FBXL17: variants seen among roughly 807,000 people sequenced by gnomAD.
FBXL17 encodes the protein F-box/LRR-repeat protein 17.
Under a neutral mutation model 66.2 loss-of-function variants are expected in FBXL17, and 22 were observed. The ratio of observed to expected loss-of-function variants is 0.33; its 90% CI spans 0.24 to 0.47. The LOEUF (loss-of-function observed/expected upper bound fraction) is 0.47, where lower values mean the gene tolerates loss of function less well. Among genes scored for constraint, FBXL17 ranks in the 20% least tolerant of loss-of-function variants. FBXL17 has a pLI of 1.00. For synonymous variants in FBXL17, 474 were observed against 400.5 expected (o/e 1.18, Z -2.19); for missense variants, 878 against 948.2 (o/e 0.93, Z 0.97).
At chr5:108,303,361 AAC>A (rs58495859) in intron 4 of FBXL17, among the ~76,000 whole-genome samples, 59,601 of 141,588 alleles carry the variant, frequency 0.42, 12,156 homozygotes, top group East Asian at 0.68. Context: ...CACAGGCATA[AAC>A]ACACACACAC....
At position 107,859,701 on chromosome 5, in the gene FBXL17, T is replaced by C. The variant is rs1216299648; in HGVS notation, c.*2019A>G. ...AGGTTATTACAACTTTGAACTGAAATGGTACCATCTATATCATAGATGGCT... is the reference window on the plus strand; with the variant it reads ...AGGTTATTACAACTTTGAACTGAAACGGTACCATCTATATCATAGATGGCT... On this transcript the variant is annotated 3_prime_UTR_variant, in exon 9 of 9. Coordinates refer to ENST00000542267, the MANE Select transcript of FBXL17 (RefSeq NM_001163315.3). 1.3e-5 allele frequency: 2 copies of C among 152,078 alleles called. No homozygotes were observed. The highest frequency in any genetic ancestry group is 2.9e-5 in the Non-Finnish European group (2 of 68,008). The allele number at this position is 152,078 out of a possible 1,614,324, so 9.4% of individuals were successfully genotyped here. A position where few individuals can be genotyped will look rare whatever the true frequency, so the allele number is the denominator to read the frequency against.
At chr5:107,927,644 C>T (rs1750569852) in intron 7 of FBXL17, among the ~76,000 whole-genome samples, 1 of 152,078 alleles carries the variant, frequency 6.6e-6, no homozygotes, top group Non-Finnish European at 1.5e-5. Flanking sequence ...TTATCTATCA[C>T]AAGATTGTAT....
chr5:107,962,514 AT>A (rs1372132451), intron 7 of FBXL17, among the ~76,000 whole-genome samples: 1 of 152,160 alleles, frequency 6.6e-6, no homozygotes, highest in Non-Finnish European at 1.5e-5. Flanking sequence ...AGAAAATACC[AT>A]TTACATACAA....
At chr5:107,921,760 C>A (rs1750328426) in intron 7 of FBXL17, among the ~76,000 whole-genome samples, 1 of 152,172 alleles carries the variant, frequency 6.6e-6, no homozygotes, top group African/African-American at 2.4e-5. Flanking sequence ...GCTGCTCCTC[C>A]CTCTGTCTAG....
intron 7 of FBXL17, among the ~76,000 whole-genome samples, chr5:107,960,443 C>T (rs1441853500): frequency 1.3e-5 from 2 of 152,056 alleles, no homozygotes; most frequent in African/African-American, 4.8e-5. Context: ...TATCTTTGAC[C>T]AACTCTCTGC....
intron 4 of FBXL17, among the ~76,000 whole-genome samples, chr5:108,237,022 AAAAAAAGAC>A: frequency 6.6e-6 from 1 of 152,146 alleles, no homozygotes; most frequent in African/African-American, 2.4e-5. Flanking sequence ...AGTAGGTGGT[AAAAAAAGAC>A]AGCAACGGTG....
chr5:108,375,724 T>C (rs1749378733), intron 1 of FBXL17, among the ~76,000 whole-genome samples: 1 of 152,168 alleles, frequency 6.6e-6, no homozygotes, highest in South Asian at 2.1e-4. Flanking sequence ...CAATCTATCT[T>C]AAATTCTTCC....
At chr5:107,918,100 T>C (rs1750193320) in intron 7 of FBXL17, among the ~76,000 whole-genome samples, 1 of 152,244 alleles carries the variant, frequency 6.6e-6, no homozygotes, top group Middle Eastern at 3.4e-3. Context: ...TGAGGAAGAC[T>C]TTTGGTGAGC....
intron 6 of FBXL17, among the ~76,000 whole-genome samples, chr5:108,043,267 G>A (rs1483067035): frequency 2.6e-5 from 4 of 152,070 alleles, no homozygotes; most frequent in Non-Finnish European, 5.9e-5. Flanking sequence ...TATGGATCAT[G>A]TTTTTGGTGT....
At chr5:107,985,725 T>A (rs543236797) in intron 7 of FBXL17, among the ~76,000 whole-genome samples, 1 of 152,346 alleles carries the variant, frequency 6.6e-6, no homozygotes, top group East Asian at 1.9e-4. Context: ...GAACTCTTAA[T>A]GTTTTCTATT....
At chr5:107,956,533 A>T (rs888935662) in intron 7 of FBXL17, among the ~76,000 whole-genome samples, 6 of 152,112 alleles carry the variant, frequency 3.9e-5, no homozygotes, top group Admixed American at 6.5e-5. Flanking sequence ...AGTTACTTAA[A>T]CTCTGAGATT....
intron 7 of FBXL17, among the ~76,000 whole-genome samples, chr5:108,012,030 T>C (rs1754196847): frequency 6.6e-6 from 1 of 152,202 alleles, no homozygotes; most frequent in South Asian, 2.1e-4. Context: ...TAAATTGCTT[T>C]AAAATTACTA....
At chr5:107,918,040 T>A (rs1392927199) in intron 7 of FBXL17, among the ~76,000 whole-genome samples, 1 of 152,128 alleles carries the variant, frequency 6.6e-6, no homozygotes, top group Admixed American at 6.5e-5. Context: ...AAGGTCTCCT[T>A]CTACCTTCCA....
At chr5:108,067,550 C>T (rs2112856081) in intron 6 of FBXL17, among the ~76,000 whole-genome samples, 1 of 152,254 alleles carries the variant, frequency 6.6e-6, no homozygotes, top group South Asian at 2.1e-4. Flanking sequence ...CGGGCTATTT[C>T]TAAGGCTTGA....
At chr5:107,922,307 A>G (rs1425287751) in intron 7 of FBXL17, among the ~76,000 whole-genome samples, 1 of 152,174 alleles carries the variant, frequency 6.6e-6, no homozygotes, top group East Asian at 1.9e-4. Flanking sequence ...CTTTTCAATT[A>G]TCTTTTTTAT....
chr5:108,016,911 C>T (rs1220675252), intron 7 of FBXL17, among the ~76,000 whole-genome samples: 1 of 151,942 alleles, frequency 6.6e-6, no homozygotes, highest in Non-Finnish European at 1.5e-5. Context: ...TCTCGAGTAG[C>T]TGGGATTACA....
chr5:108,194,220 C>T (rs764590461), intron 5 of FBXL17, among the ~76,000 whole-genome samples: 2 of 152,118 alleles, frequency 1.3e-5, no homozygotes, highest in Admixed American at 6.5e-5. Context: ...TCACTACGCT[C>T]GGTGAACTGT....
intron 6 of FBXL17, among the ~76,000 whole-genome samples, chr5:108,103,787 C>T (rs1481905828): frequency 6.6e-6 from 1 of 152,108 alleles, no homozygotes; most frequent in Non-Finnish European, 1.5e-5. Flanking sequence ...GATAAAAGGT[C>T]TCTTCCGTAG....
intron 6 of FBXL17, among the ~76,000 whole-genome samples, chr5:108,049,037 G>T (rs1360256340): frequency 6.6e-6 from 1 of 152,100 alleles, no homozygotes; most frequent in Non-Finnish European, 1.5e-5. Context: ...AAATGTTAAG[G>T]GCAGCCAGTG....
Sources: allele counts gnomAD v4.1 joint callset (sites outside exome capture counted in the v4.1 genomes callset), GRCh38; gene constraint gnomAD v4.1.1; transcripts MANE v1.5; gene names NCBI Gene and HGNC (gene_info 2026-07-23, HGNC 2026-07-21).